The following RACGAP1 variants were observed in gnomAD, a reference collection of about 807,000 sequenced individuals.
RACGAP1 encodes rac GTPase-activating protein 1.
RACGAP1 carries 30 observed loss-of-function variants against 78.1 expected under a neutral mutation model. The ratio of observed to expected loss-of-function variants is 0.38; its 90% CI spans 0.29 to 0.52. The LOEUF is 0.52. RACGAP1 is among the 20% of genes least tolerant of loss of function. RACGAP1 has a pLI of 0.82. For synonymous variants in RACGAP1, 231 were observed against 264.8 expected (o/e 0.87, Z 1.24); for missense variants, 587 against 777.1 (o/e 0.76, Z 2.91).
rs528075443 is a variant in RACGAP1, at chr12:50,018,329, G to C, written c.-4-1610C>G. On this transcript the variant is annotated intron_variant, in intron 1 of 16. Transcript: ENST00000312377. ...GGGCCGGAAACCAAGATTTTCAAAC[G>C]GCAAGTATCTGTTCCAAGCTACATA... 2.6e-5 allele frequency among the ~76,000 whole-genome samples: 4 copies of C among 152,140 alleles called. No homozygotes were observed. The East Asian group carries it at 5.8e-4, about 22-fold the overall frequency.
At chr12:50,002,172 G>A in intron 6 of RACGAP1, 75 bp downstream of exon 6, 3 of 1,245,380 alleles carry the variant, frequency 2.4e-6, no homozygotes, top group East Asian at 4.8e-5. Flanking sequence ...CAGGAATGCA[G>A]TATCATGGCA....
At chr12:50,003,114 G>T (rs1948785919) in intron 5 of RACGAP1, among the ~76,000 whole-genome samples, 1 of 151,356 alleles carries the variant, frequency 6.6e-6, no homozygotes, top group Non-Finnish European at 1.5e-5. Context: ...TTTTATTGTG[G>T]TCTCATTTCA....
At chr12:49,996,319 AG>A (rs1308298185) in intron 10 of RACGAP1, among the ~76,000 whole-genome samples, 77 of 151,326 alleles carry the variant, frequency 5.1e-4, no homozygotes, top group African/African-American at 1.8e-3. Flanking sequence ...CTCAAAAAAA[AG>A]AGAGACATTA....
intron 2 of RACGAP1, among the ~76,000 whole-genome samples, chr12:50,012,545 G>A (rs1399679830): frequency 6.6e-6 from 1 of 151,116 alleles, no homozygotes; most frequent in Admixed American, 6.6e-5. Context: ...TGGGTAAGAA[G>A]AGTGAAACTC....
Position 49,997,218 on chromosome 12 carries a change from G to C in RACGAP1, c.880-14C>G. ...AGGTTTAATAACCTGGGATAAAACA[G>C]GGCAGAAGGAACAGAGTGATATGAA... On this transcript the variant is annotated splice_polypyrimidine_tract_variant and intron_variant, in intron 9 of 16. Transcript: ENST00000312377. The C allele has an allele frequency of 6.4e-7, 1 of 1,553,926 alleles. No homozygotes were observed. The highest frequency in any genetic ancestry group is 8.8e-7 in the Non-Finnish European group (1 of 1,141,466).
At chr12:49,990,611 A>C (rs1343447602) in intron 16 of RACGAP1, 73 bp downstream of exon 16, 11 of 1,258,866 alleles carry the variant, frequency 8.7e-6, no homozygotes, top group Non-Finnish European at 1.2e-5. Flanking sequence ...TTTTCTTTCA[A>C]TAAGCTTCAA....
chr12:49,999,201 G>C lies in RACGAP1; in HGVS notation c.819C>G (p.Asp273Glu). 1.2e-6 allele frequency: 2 copies of C among 1,614,142 alleles called. No homozygotes were observed. Among genetic ancestry groups the C allele is most frequent in the Non-Finnish European group, 1.7e-6 (2 of 1,180,022 alleles). ...CATTACTCTGTGGCGTGCCCACACT[G>C]TCTGTCTCAGTTCTTGGCTCCAGCT... ...SRQLEPRTET[D>E]SVGTPQSNGG... Residue 273 changes from aspartate to glutamate, a missense_variant, in exon 9 of 17, where the codon GAC (aspartate) becomes GAG (glutamate). Coordinates refer to ENST00000312377, the MANE Select transcript of RACGAP1 (RefSeq NM_001319999.2).
Position 49,997,101 on chromosome 12 carries a change from C to A in RACGAP1, c.983G>T (p.Arg328Leu). The A allele has an allele frequency of 6.2e-7, 1 of 1,608,146 alleles. No homozygotes were observed. Among genetic ancestry groups the A allele is most frequent in the South Asian group, 1.1e-5 (1 of 90,696 alleles). The change falls in exon 10 of 17, where the codon CGG (arginine) becomes CTG (leucine). Residue 328 changes from arginine to leucine, a missense_variant. Coordinates refer to ENST00000312377, the MANE Select transcript of RACGAP1 (RefSeq NM_001319999.2). ...DCRVVSHPECRDRCPLPCIPT... is the reference protein window; with the variant it reads ...DCRVVSHPECLDRCPLPCIPT... The stretch of plus-strand genomic sequence containing the variant: ...AATGCAGGGAAGGGGACAGCGGTCC[C>A]GACATTCTGGATGAGAGACCACACG...
intron 5 of RACGAP1, among the ~76,000 whole-genome samples, chr12:50,003,218 G>T (rs1164118870): frequency 6.6e-6 from 1 of 151,980 alleles, no homozygotes; most frequent in Admixed American, 6.6e-5. Context: ...AGAAACAGTG[G>T]TATACAGCAA....
rs779316309 is a variant in RACGAP1 at position 49,989,311 on chromosome 12, A to T, written c.*957T>A. 1 of 152,210 alleles carries T rather than the reference A, an allele frequency of 6.6e-6. No individual in the cohort carries two copies. Among genetic ancestry groups the T allele is most frequent in the Non-Finnish European group, 1.5e-5 (1 of 68,042 alleles). 9.4% of individuals were successfully genotyped at this position (152,210 alleles called of 1,614,324 possible). A position where few individuals can be genotyped will look rare whatever the true frequency, so the allele number is the denominator to read the frequency against. ...AATTTTAACAGAAGAAAAAGCTCACATCTATCTAGATGTGGCTATGTTCCA... is the reference window on the plus strand; with the variant it reads ...AATTTTAACAGAAGAAAAAGCTCACTTCTATCTAGATGTGGCTATGTTCCA... On this transcript the variant is annotated 3_prime_UTR_variant, in exon 17 of 17. Transcript: ENST00000312377.
At chr12:50,001,973 G>A (rs978376330) in intron 6 of RACGAP1, among the ~76,000 whole-genome samples, 3 of 151,574 alleles carry the variant, frequency 2.0e-5, no homozygotes, top group Non-Finnish European at 4.4e-5. Flanking sequence ...GCCGACGCAG[G>A]AGAATTGCTT....
chr12:50,031,288 C>A (rs1950330923), intron 2 of RACGAP1, among the ~76,000 whole-genome samples: 1 of 150,282 alleles, frequency 6.7e-6, no homozygotes, highest in African/African-American at 2.4e-5. Context: ...ACCAGCCTGG[C>A]CAACATGGTG....
Position 49,990,705 on chromosome 12 carries a change from G to C in RACGAP1, c.1802C>G (p.Thr601Ser), listed in dbSNP as rs1947780299. Residue 601 changes from threonine to serine, a missense_variant, in exon 16 of 17, where the codon ACC becomes AGC. Coordinates refer to ENST00000312377, the MANE Select transcript of RACGAP1 (RefSeq NM_001319999.2). ...SSSLSQRVRS[T>S]LTKNTPRFGS... ...ATACCTAGGAGTGTTCTTGGTGAGG[G>C]TGGAACGGACTCTCTGTGACAGGGA... The C allele has an allele frequency of 6.2e-7, 1 of 1,613,306 alleles. No homozygotes were observed. Among genetic ancestry groups the C allele is most frequent in the African/African-American group, 1.3e-5 (1 of 74,902 alleles).
chr12:50,026,349 T>TAA (rs59207359), upstream of RACGAP1, among the ~76,000 whole-genome samples: 1 of 142,504 alleles, frequency 7.0e-6, no homozygotes. Flanking sequence ...GTCCTTAATT[T>TAA]AAAAAAAAAA....
intron 1 of RACGAP1, among the ~76,000 whole-genome samples, chr12:50,024,428 T>C (rs1183092376): frequency 1.3e-5 from 2 of 152,182 alleles, no homozygotes; most frequent in Non-Finnish European, 2.9e-5. Flanking sequence ...ATACCGCATG[T>C]TCTCACTTAT....
At position 49,992,011 on chromosome 12, in the gene RACGAP1, T is replaced by C. The variant is rs898238453; in HGVS notation, c.1701A>G (p.Thr567=). The change falls in exon 15 of 17, where the codon ACA becomes ACG. Residue 567 remains threonine, a synonymous_variant. Transcript: ENST00000312377. The stretch of plus-strand genomic sequence containing the variant: ...CTTGGGCCTTACCTTTAATATCTGG[T>C]GTCTGTGGTGTTGAAAAGGCATTTG... ...ENSNAFSTPQ[T]PDIKVSLLGP... is the part of the protein sequence containing the mutation. 1.4e-5 allele frequency: 22 copies of C among 1,613,816 alleles called. No individual in the cohort carries two copies. Among genetic ancestry groups the C allele is most frequent in the Non-Finnish European group, 1.8e-5 (21 of 1,179,990 alleles).
chr12:50,027,434 G>C (rs551756534), upstream of RACGAP1, among the ~76,000 whole-genome samples: 1 of 152,186 alleles, frequency 6.6e-6, no homozygotes, highest in African/African-American at 2.4e-5. Flanking sequence ...TCTGAGCTGG[G>C]TCTTGTGTGA....
At chr12:50,001,989 C>T (rs1948705052) in intron 6 of RACGAP1, among the ~76,000 whole-genome samples, 1 of 150,598 alleles carries the variant, frequency 6.6e-6, no homozygotes, top group African/African-American at 2.4e-5. Flanking sequence ...TGCTTGAACC[C>T]GGGAGGCGGA....
intron 2 of RACGAP1, among the ~76,000 whole-genome samples, chr12:50,009,584 TCCAGTGTTGTAA>T (rs1432756620): frequency 6.6e-6 from 1 of 152,208 alleles, no homozygotes; most frequent in Non-Finnish European, 1.5e-5. Flanking sequence ...CTCTTTTATC[TCCAGTGTTGTAA>T]CCTGCCTAGC....
Sources: gnomAD v4.1 joint callset for allele counts (sites outside exome capture counted in the v4.1 genomes callset) on GRCh38, gnomAD v4.1.1 for gene constraint, MANE v1.5 for transcripts, NCBI Gene and HGNC (gene_info 2026-07-23, HGNC 2026-07-21) for gene names.